Variants in SFI1 observed in about 807,000 individuals in gnomAD.
SFI1 encodes the protein SFI1 centrin binding protein.
SFI1 carries 195 observed loss-of-function variants against 207.5 expected under a neutral mutation model. The observed-to-expected ratio is 0.94, with a 90% confidence interval of 0.84 to 1.06. The LOEUF is 1.06. SFI1 is among the 50% of genes least tolerant of loss of function. SFI1 has a pLI of 0.00. For synonymous variants in SFI1, 630 were observed against 598.9 expected, an observed-to-expected ratio of 1.05 and a Z score of -0.76; for missense variants, 1,634 against 1,588.0, an observed-to-expected ratio of 1.03 and a Z score of -0.49.
At chr22:31,601,751 C>G (rs996522604) in intron 15 of SFI1, among the ~76,000 whole-genome samples, 1 of 152,092 alleles carries the variant, frequency 6.6e-6, no homozygotes, top group African/African-American at 2.4e-5. Flanking sequence ...CTTTCCTTCC[C>G]TTTCTCTTTG....
intron 2 of SFI1, among the ~76,000 whole-genome samples, chr22:31,519,382 T>C (rs962443650): frequency 6.6e-6 from 1 of 151,648 alleles, no homozygotes; most frequent in African/African-American, 2.4e-5. Context: ...GTGATCTTCC[T>C]ATGTCAGTCT....
At chr22:31,564,143 C>T (rs961758710) in intron 8 of SFI1, among the ~76,000 whole-genome samples, 13 of 151,184 alleles carry the variant, frequency 8.6e-5, no homozygotes, top group East Asian at 2.0e-4. Context: ...CTGGCTAACA[C>T]GGTGAAACCC....
chr22:31,529,505 G>A (rs1212734625), intron 3 of SFI1, among the ~76,000 whole-genome samples: 1 of 152,110 alleles, frequency 6.6e-6, no homozygotes, highest in Non-Finnish European at 1.5e-5. Context: ...CAGCCTGGGC[G>A]AGAGTGAGAC....
chr22:31,551,749 G>T (rs1486062807), intron 6 of SFI1, among the ~76,000 whole-genome samples: 1 of 152,134 alleles, frequency 6.6e-6, no homozygotes, highest in Non-Finnish European at 1.5e-5. Context: ...AATTCTATAA[G>T]AAACTGGCAA....
chr22:31,598,748 G>C (rs5998055), intron 15 of SFI1, among the ~76,000 whole-genome samples: 1 of 32,088 alleles, frequency 3.1e-5, no homozygotes, highest in Non-Finnish European at 6.9e-5. Context: ...TTGATGAGCA[G>C]AAGTGTTTGA....
intron 4 of SFI1, among the ~76,000 whole-genome samples, chr22:31,542,130 A>G (rs914985658): frequency 1.3e-5 from 2 of 149,850 alleles, no homozygotes; most frequent in East Asian, 2.0e-4. Context: ...AGAAATGTAC[A>G]GTTTAGGAGC....
intron 11 of SFI1, 47 bp downstream of exon 11, chr22:31,578,499 G>T: frequency 1.3e-6 from 2 of 1,579,908 alleles, no homozygotes; most frequent in South Asian, 2.3e-5. Context: ...AGCCTTGCTT[G>T]GGTATCCACT....
intron 15 of SFI1, among the ~76,000 whole-genome samples, chr22:31,592,360 AC>A (rs1424012211): frequency 1.9e-5 from 1 of 53,488 alleles, no homozygotes; most frequent in African/African-American, 1.0e-4. Flanking sequence ...AGGGGGGCTG[AC>A]CCCCCCCACC....
At chr22:31,593,484 C>A (rs1386135656) in intron 15 of SFI1, among the ~76,000 whole-genome samples, 2 of 135,988 alleles carry the variant, frequency 1.5e-5, no homozygotes, top group African/African-American at 5.6e-5. Flanking sequence ...GGATGGCGGC[C>A]GGGTGGAGAC....
rs966161342 is a variant in SFI1, at chr22:31,585,083, C to T, written c.1362C>T (p.Cys454=). 3.1e-6 allele frequency: 5 copies of T among 1,613,872 alleles called. No homozygotes were observed. In the African/African-American group the frequency reaches 4.0e-5, roughly 13 times the overall value. The change falls in exon 14 of 33, where the codon TGC becomes TGT. Residue 454 remains cysteine (C), a synonymous_variant. Coordinates refer to ENST00000400288, the MANE Select transcript of SFI1 (RefSeq NM_001007467.3). ...TTTGTTTCAGAATAGCACTGCTGTG[C>T]AAATGTATCGAATTGTGGCTACAGT... The part of the protein sequence containing the change: ...AWDHYRIALL[C]KCIELWLQYT...
chr22:31,506,275 T>C (rs912314709), intron 1 of SFI1, among the ~76,000 whole-genome samples: 9 of 152,038 alleles, frequency 5.9e-5, no homozygotes, highest in African/African-American at 2.2e-4. Flanking sequence ...CTTGAACTCC[T>C]GACTTCAGGT....
At chr22:31,605,051 C>T (rs8142376) in intron 20 of SFI1, 106 bp downstream of exon 20, 470,415 of 989,430 alleles carry the variant, frequency 0.48, 115,794 homozygotes, top group Middle Eastern at 0.57. Context: ...GGGATGATCC[C>T]GGGTTCCTAG....
intron 2 of SFI1, among the ~76,000 whole-genome samples, chr22:31,514,186 T>C (rs553741754): frequency 6.8e-6 from 1 of 146,722 alleles, no homozygotes; most frequent in African/African-American, 2.5e-5. Context: ...TTGTTAGCTA[T>C]AGTCACCATG....
At position 31,608,900 on chromosome 22, in the gene SFI1, G is replaced by A. The variant is rs182566687; in HGVS notation, c.2254+867G>A. Among the ~76,000 whole-genome samples the A allele has an allele frequency of 1.1e-4, 17 of 152,184 alleles. No individual in the cohort carries two copies. The East Asian group carries it at 3.3e-3, about 30-fold the overall frequency. ...ACACACCTATAGTCCCAGCTACTTG[G>A]GAGCCTGAGGTGGGAGGATCACTTG... is the stretch of plus-strand genomic sequence containing the variant. On this transcript the variant is annotated intron_variant, in intron 22 of 32. Coordinates refer to ENST00000400288, the MANE Select transcript of SFI1 (RefSeq NM_001007467.3).
At chr22:31,532,423 G>A (rs1017156433) in intron 4 of SFI1, among the ~76,000 whole-genome samples, 1 of 152,194 alleles carries the variant, frequency 6.6e-6, no homozygotes, top group Admixed American at 6.6e-5. Context: ...CAGGGGAGCT[G>A]GAGAGAAGGG....
chr22:31,594,866 A>AAAAG (rs1569424661), intron 15 of SFI1, among the ~76,000 whole-genome samples: 2 of 151,034 alleles, frequency 1.3e-5, no homozygotes, highest in Non-Finnish European at 3.0e-5. Context: ...AAAAAAAAAA[A>AAAAG]AAAAAAAAAA....
At chr22:31,614,994 G>A in intron 28 of SFI1, 54 bp from the exon 29 acceptor site, 1 of 1,587,658 alleles carries the variant, frequency 6.3e-7, no homozygotes. Flanking sequence ...TTGTTCTTTG[G>A]TCCCAGAGGA....
chr22:31,577,521 C>T (rs1027694915), intron 10 of SFI1, among the ~76,000 whole-genome samples: 5 of 152,146 alleles, frequency 3.3e-5, no homozygotes, highest in Non-Finnish European at 7.3e-5. Context: ...AATCCTCCCC[C>T]CTCAGCCTAC....
intron 22 of SFI1, among the ~76,000 whole-genome samples, chr22:31,609,407 C>T (rs149641905): frequency 1.3e-5 from 2 of 152,306 alleles, no homozygotes; most frequent in East Asian, 3.9e-4. Flanking sequence ...GAGCTGTCTC[C>T]TAACACAGCT....
Sources: allele counts gnomAD v4.1 joint callset (sites outside exome capture counted in the v4.1 genomes callset), GRCh38; gene constraint gnomAD v4.1.1; transcripts MANE v1.5; gene names NCBI Gene and HGNC (gene_info 2026-07-23, HGNC 2026-07-21).